Variants in TRAPPC12 observed in about 807,000 individuals in gnomAD.
TRAPPC12 encodes the protein TPR repeat protein 15.
TRAPPC12 carries 61 observed loss-of-function variants against 69.2 expected under a neutral mutation model. The observed-to-expected ratio is 0.88, with a 90% CI of 0.72 to 1.09. The LOEUF (loss-of-function observed/expected upper bound fraction) is 1.09, where lower values mean the gene tolerates loss of function less well. Ranked by LOEUF, TRAPPC12 falls within the 50% of genes least tolerant of loss-of-function variation. The pLI is 0.00. For synonymous variants in TRAPPC12, 469 were observed against 438.9 expected (o/e 1.07, Z -0.86); for missense variants, 1,101 against 1,016.4 (o/e 1.08, Z -1.13).
At chr2:3,478,133 ATCCCGTGCTCTGGTGTTCT>A (rs1666378444) in intron 10 of TRAPPC12, 1 of 61,388 alleles carries the variant, frequency 1.6e-5, no homozygotes, top group East Asian at 5.3e-4. Context: ...CTGTGTCTGG[ATCCCGTGCTCTGGTGTTCT>A]GTGTCTGGAT....
At position 3,388,166 on chromosome 2, in the gene TRAPPC12, G is replaced by T; in HGVS notation, c.543G>T (p.Lys181Asn). 1 of 1,607,918 alleles carries T rather than the reference G, an allele frequency of 6.2e-7. No individual in the cohort carries two copies. The stretch of plus-strand genomic sequence containing the variant: ...ACGGCTTCGAGCCGCAGATGGTGAA[G>T]TCGCCCAGCTTCGGTGGCGCCAGCG... Reference protein sequence around the residue: ...SGDGFEPQMVKSPSFGGASEA... With the variant: ...SGDGFEPQMVNSPSFGGASEA... The change falls in exon 2 of 12, where the codon AAG becomes AAT. Residue 181 changes from lysine to asparagine, a missense_variant. Physicochemically the swap from Lys to Asn is moderately conservative, Grantham distance 94 (BLOSUM62 0). Transcript: ENST00000324266.
At chr2:3,444,793 G>GA (rs1187012490) in intron 6 of TRAPPC12, among the ~76,000 whole-genome samples, 1 of 152,166 alleles carries the variant, frequency 6.6e-6, no homozygotes, top group African/African-American at 2.4e-5. Context: ...TATCTGTGGA[G>GA]AAAAAACAGG....
intron 5 of TRAPPC12, among the ~76,000 whole-genome samples, chr2:3,432,539 C>CATGACAAAATTACCTCACCTTGCAGA (rs1663497710): frequency 6.6e-6 from 1 of 152,124 alleles, no homozygotes; most frequent in Non-Finnish European, 1.5e-5. Context: ...TTTTATTTTT[C>CATGACAAAATTACCTCACCTTGCAGA]ATGACAAAAT....
At chr2:3,420,886 ACTT>A (rs994202746) in intron 3 of TRAPPC12, among the ~76,000 whole-genome samples, 3 of 152,138 alleles carry the variant, frequency 2.0e-5, no homozygotes, top group African/African-American at 7.2e-5. Context: ...AAACTCCTAA[ACTT>A]CTTGTCAGAG....
At chr2:3,447,102 C>CT (rs56069735) in intron 6 of TRAPPC12, among the ~76,000 whole-genome samples, 59 of 148,090 alleles carry the variant, frequency 4.0e-4, no homozygotes, top group Non-Finnish European at 4.9e-4. Context: ...CCTCAGGAAG[C>CT]TTTTTTTTTT....
chr2:3,383,396 T>TC (rs1046127086), intron 1 of TRAPPC12, among the ~76,000 whole-genome samples: 3 of 150,016 alleles, frequency 2.0e-5, no homozygotes, highest in East Asian at 2.0e-4. Context: ...TAATTTTTGA[T>TC]CCCCCACCCC....
At chr2:3,464,368 G>GT (rs1558404510) in intron 8 of TRAPPC12, among the ~76,000 whole-genome samples, 1 of 151,122 alleles carries the variant, frequency 6.6e-6, no homozygotes, top group African/African-American at 2.5e-5. Flanking sequence ...AGTCGTTTTG[G>GT]GTTTTTTTTG....
At chr2:3,468,409 CCTT>C (rs1444512247) in intron 9 of TRAPPC12, among the ~76,000 whole-genome samples, 62 of 148,912 alleles carry the variant, frequency 4.2e-4, no homozygotes, top group African/African-American at 1.5e-3. Flanking sequence ...GTTTATCTCA[CCTT>C]CATGGTGTCA....
intron 2 of TRAPPC12, among the ~76,000 whole-genome samples, chr2:3,389,329 G>C (rs1409566023): frequency 6.6e-6 from 1 of 152,242 alleles, no homozygotes; most frequent in Non-Finnish European, 1.5e-5. Flanking sequence ...CTCGGTGACT[G>C]TGCTCTCAGC....
chr2:3,381,269 G>C (rs1342567129), intron 1 of TRAPPC12, among the ~76,000 whole-genome samples: 1 of 152,072 alleles, frequency 6.6e-6, no homozygotes, highest in Admixed American at 6.6e-5. Flanking sequence ...ACACACCCTC[G>C]TGCCCTTATG....
At chr2:3,383,240 G>A (rs1660307251) in intron 1 of TRAPPC12, among the ~76,000 whole-genome samples, 1 of 152,054 alleles carries the variant, frequency 6.6e-6, no homozygotes, top group African/African-American at 2.4e-5. Flanking sequence ...TTTAATGATA[G>A]AACTTTCCAT....
intron 9 of TRAPPC12, among the ~76,000 whole-genome samples, chr2:3,474,926 TGA>T (rs572251907): frequency 2.5e-4 from 38 of 152,342 alleles, no homozygotes; most frequent in Admixed American, 1.8e-3. Context: ...TTTTGGTAAC[TGA>T]GAGTTTTCTA....
At chr2:3,415,927 A>G (rs576400564) in intron 3 of TRAPPC12, among the ~76,000 whole-genome samples, 22 of 151,618 alleles carry the variant, frequency 1.5e-4, no homozygotes, top group Admixed American at 1.3e-3. Flanking sequence ...CGTGTTAGCC[A>G]GGATGGTCTC....
intron 7 of TRAPPC12, chr2:3,458,500 GCTGAA>G (rs1442327730): frequency 3.1e-6 from 3 of 971,670 alleles, no homozygotes; most frequent in Non-Finnish European, 3.7e-6. Flanking sequence ...GCTGGTGTGA[GCTGAA>G]CGTGTGTGAG....
At chr2:3,418,315 A>G (rs1261575220) in intron 3 of TRAPPC12, among the ~76,000 whole-genome samples, 4 of 151,580 alleles carry the variant, frequency 2.6e-5, no homozygotes, top group African/African-American at 9.7e-5. Context: ...CTGCTTTGTT[A>G]TCACTGCATG....
intron 9 of TRAPPC12, among the ~76,000 whole-genome samples, chr2:3,469,431 G>A (rs1362337877): frequency 6.6e-6 from 1 of 152,220 alleles, no homozygotes; most frequent in Non-Finnish European, 1.5e-5. Context: ...ACGAGGTTTT[G>A]GTTGCAGTCA....
intron 8 of TRAPPC12, among the ~76,000 whole-genome samples, chr2:3,464,051 G>A (rs948708511): frequency 3.3e-5 from 5 of 152,080 alleles, no homozygotes; most frequent in African/African-American, 4.8e-5. Flanking sequence ...TGCCATGTCC[G>A]TCCCAGCTGC....
At chr2:3,392,903 C>T (rs1660903373) in intron 2 of TRAPPC12, among the ~76,000 whole-genome samples, 2 of 152,206 alleles carry the variant, frequency 1.3e-5, no homozygotes, top group African/African-American at 2.4e-5. Context: ...CAGAATTATA[C>T]AGTAGCCCAG....
At chr2:3,395,958 G>C (rs1398989450) in intron 2 of TRAPPC12, among the ~76,000 whole-genome samples, 2 of 152,140 alleles carry the variant, frequency 1.3e-5, no homozygotes, top group Non-Finnish European at 2.9e-5. Flanking sequence ...TCAATCTCCT[G>C]ACATCAAGTG....
Sources: allele counts gnomAD v4.1 joint callset (sites outside exome capture counted in the v4.1 genomes callset), GRCh38; gene constraint gnomAD v4.1.1; transcripts MANE v1.5; gene names NCBI Gene and HGNC (gene_info 2026-07-23, HGNC 2026-07-21).